REDIC1: variants seen among roughly 807,000 people sequenced by gnomAD.
REDIC1 encodes the protein HEI10 Interacting Protein 1.
At chr12:39,641,363 C>T in the REDIC1 span, among the ~76,000 whole-genome samples, 2 of 151,790 alleles carry the variant, frequency 1.3e-5, no homozygotes, top group East Asian at 3.9e-4. Context: ...TGATTGCATT[C>T]CATAGTAAGG....
chr12:39,852,583 TGAA>T, the REDIC1 span, among the ~76,000 whole-genome samples: 4 of 152,094 alleles, frequency 2.6e-5, no homozygotes, highest in South Asian at 2.1e-4. Flanking sequence ...AATATCTAGG[TGAA>T]GAAGAAGAAT....
the REDIC1 span, among the ~76,000 whole-genome samples, chr12:39,710,651 A>G: frequency 2.0e-5 from 3 of 151,746 alleles, no homozygotes; most frequent in Non-Finnish European, 4.4e-5. Context: ...CGTACTCTCT[A>G]TACTTATGTT....
At chr12:39,874,928 C>T in the REDIC1 span, among the ~76,000 whole-genome samples, 88,828 of 152,002 alleles carry the variant, frequency 0.58, 26,225 homozygotes, top group East Asian at 0.76. Flanking sequence ...TAATGGAAAA[C>T]AGTAAGGGGA....
the REDIC1 span, among the ~76,000 whole-genome samples, chr12:39,846,421 C>T: frequency 2.0e-5 from 3 of 152,106 alleles, no homozygotes; most frequent in Non-Finnish European, 4.4e-5. Flanking sequence ...CTGCTGTCCG[C>T]TAAACCATAT....
At chr12:39,718,194 G>A in the REDIC1 span, among the ~76,000 whole-genome samples, 4 of 151,900 alleles carry the variant, frequency 2.6e-5, no homozygotes, top group East Asian at 1.9e-4. Flanking sequence ...CTCTCCCATC[G>A]CATTGACCAT....
At chr12:39,701,050 A>G in the REDIC1 span, among the ~76,000 whole-genome samples, 3 of 152,022 alleles carry the variant, frequency 2.0e-5, no homozygotes, top group Non-Finnish European at 4.4e-5. Context: ...ATCACCAGCT[A>G]ACATCATAAT....
the REDIC1 span, among the ~76,000 whole-genome samples, chr12:39,660,148 C>T: frequency 6.6e-6 from 1 of 152,172 alleles, no homozygotes; most frequent in African/African-American, 2.4e-5. Context: ...CTTTTCACAG[C>T]CTTCGGCAAT....
the REDIC1 span, among the ~76,000 whole-genome samples, chr12:39,893,211 G>A: frequency 3.3e-3 from 500 of 152,270 alleles, 3 homozygotes; most frequent in African/African-American, 0.011. Flanking sequence ...AAAATGCTTA[G>A]CAACATTCTA....
At chr12:39,780,243 C>T in the REDIC1 span, among the ~76,000 whole-genome samples, 1 of 152,206 alleles carries the variant, frequency 6.6e-6, no homozygotes, top group African/African-American at 2.4e-5. Context: ...CAAGATTACA[C>T]AGTGACAGCA....
At chr12:39,744,562 C>T in the REDIC1 span, among the ~76,000 whole-genome samples, 9 of 152,050 alleles carry the variant, frequency 5.9e-5, no homozygotes, top group Non-Finnish European at 1.0e-4. Context: ...TTAGGAATAG[C>T]GTAAGGCACT....
chr12:39,842,847 T>G, the REDIC1 span, among the ~76,000 whole-genome samples: 1 of 152,032 alleles, frequency 6.6e-6, no homozygotes, highest in Non-Finnish European at 1.5e-5. Flanking sequence ...CTGGACATTT[T>G]ATATCAATGT....
At chr12:39,797,740 A>ACACATACG in the REDIC1 span, among the ~76,000 whole-genome samples, 33 of 131,368 alleles carry the variant, frequency 2.5e-4, no homozygotes, top group Non-Finnish European at 4.2e-4. Context: ...ACACACACAC[A>ACACATACG]CACACACACA....
At chr12:39,890,987 T>G in the REDIC1 span, among the ~76,000 whole-genome samples, 2 of 152,158 alleles carry the variant, frequency 1.3e-5, no homozygotes, top group African/African-American at 4.8e-5. Context: ...GGTAAGATTA[T>G]GAATAATTTT....
chr12:39,688,977 T>G, the REDIC1 span, among the ~76,000 whole-genome samples: 6 of 152,156 alleles, frequency 3.9e-5, no homozygotes, highest in Non-Finnish European at 8.8e-5. Context: ...GTTTTTTTTG[T>G]AGAATGTACC....
At chr12:39,893,901 C>T in the REDIC1 span, among the ~76,000 whole-genome samples, 3 of 152,040 alleles carry the variant, frequency 2.0e-5, no homozygotes, top group Non-Finnish European at 4.4e-5. Context: ...AAAAGTAAAT[C>T]CATTATTTTT....
chr12:39,641,745 C>A, the REDIC1 span, among the ~76,000 whole-genome samples: 4 of 150,936 alleles, frequency 2.7e-5, no homozygotes, highest in Admixed American at 6.6e-5. Flanking sequence ...GAAAAAAAAA[C>A]CCAATAATGT....
chr12:39,747,214 T>G, the REDIC1 span, among the ~76,000 whole-genome samples: 2 of 152,136 alleles, frequency 1.3e-5, no homozygotes, highest in Non-Finnish European at 2.9e-5. Context: ...GAATAACCAG[T>G]GTAGAGAAGT....
chr12:39,803,422 T>G, the REDIC1 span, among the ~76,000 whole-genome samples: 1 of 152,048 alleles, frequency 6.6e-6, no homozygotes, highest in Non-Finnish European at 1.5e-5. Context: ...ACCATAAAAC[T>G]ATCACTTAGG....
At chr12:39,641,215 G>C in the REDIC1 span, among the ~76,000 whole-genome samples, 4 of 151,748 alleles carry the variant, frequency 2.6e-5, no homozygotes, top group African/African-American at 9.7e-5. Flanking sequence ...ATGTATCCCA[G>C]ATCTGACCAC....
Sources: gnomAD v4.1 joint callset for allele counts (sites outside exome capture counted in the v4.1 genomes callset) on GRCh38, gnomAD v4.1.1 for gene constraint, MANE v1.5 for transcripts, NCBI Gene and HGNC (gene_info 2026-07-23, HGNC 2026-07-21) for gene names.